The following RCOR1 variants were observed in gnomAD, a reference collection of about 807,000 sequenced individuals.
The protein encoded by RCOR1 is REST corepressor.
A neutral mutation model predicts 64.0 loss-of-function variants in RCOR1; 12 were observed. The observed-to-expected ratio is 0.19, with a 90% CI of 0.12 to 0.30. The LOEUF (loss-of-function observed/expected upper bound fraction) is 0.30. Among genes scored for constraint, RCOR1 ranks in the 10% least tolerant of loss-of-function variants. The probability of loss-of-function intolerance (pLI) is 1.00; values close to 1 mark genes in which losing one functional copy is unlikely to be tolerated. For missense variants in RCOR1, 502 were observed against 621.2 expected (o/e 0.81, Z 2.04); for synonymous variants, 279 against 227.2 (o/e 1.23, Z -2.05).
In RCOR1 at chr14:102,649,096, T is replaced by TA. The variant is rs1008049618; in HGVS notation, c.362-32792dup. Among the ~76,000 whole-genome samples the TA allele has an allele frequency of 2.7e-5, 4 of 148,852 alleles. No individual in the cohort carries two copies. The East Asian group carries it at 5.9e-4, about 22-fold the overall frequency. ...AAAAAATAGAATTATTAATTCCAGG[T>TA]AAAAAAATCACACATAATCACACCA... On this transcript the variant is annotated intron_variant, in intron 2 of 11. Coordinates refer to ENST00000262241, the MANE Select transcript of RCOR1 (RefSeq NM_015156.4).
Position 102,625,231 on chromosome 14 carries a change from CTTTTTTTTT to C in RCOR1, c.361+31922_361+31930del, listed in dbSNP as rs61403856. Among the ~76,000 whole-genome samples, 36 of 79,196 alleles carry C rather than the reference CTTTTTTTTT, an allele frequency of 4.5e-4. 1 individual carries two copies. The highest frequency in any genetic ancestry group is 1.7e-3 in the African/African-American group (32 of 19,146). 52.0% of individuals were successfully genotyped at this position (79,196 alleles called of 152,430 possible). On this transcript the variant is annotated intron_variant, in intron 2 of 11. Coordinates refer to ENST00000262241, the MANE Select transcript of RCOR1 (RefSeq NM_015156.4). ...CTTGCATTCCAGGTCTATCTTGTTACTTTTTTTTTTTTTTTTTTTTTTTTGAGGCAGAGT... is the reference window on the plus strand; with the variant it reads ...CTTGCATTCCAGGTCTATCTTGTTACTTTTTTTTTTTTTTTGAGGCAGAGT...
chr14:102,595,931 G>T (rs1228586262), intron 2 of RCOR1, among the ~76,000 whole-genome samples: 1 of 148,896 alleles, frequency 6.7e-6, no homozygotes, highest in Admixed American at 6.8e-5. Context: ...TCTAACTGGT[G>T]TAAAGTAATT....
At chr14:102,630,649 C>G (rs7158275) in intron 2 of RCOR1, among the ~76,000 whole-genome samples, 5 of 151,906 alleles carry the variant, frequency 3.3e-5, no homozygotes, top group African/African-American at 1.2e-4. Context: ...AAGGTAATAC[C>G]TCATCCAGAA....
chr14:102,619,655 A>G (rs561425004), intron 2 of RCOR1, among the ~76,000 whole-genome samples: 4 of 151,512 alleles, frequency 2.6e-5, no homozygotes, highest in Admixed American at 2.0e-4. Flanking sequence ...AAGTTTTTAT[A>G]TTTTTGGTAG....
chr14:102,639,054 T>A (rs1411797045), intron 2 of RCOR1, among the ~76,000 whole-genome samples: 1 of 152,176 alleles, frequency 6.6e-6, no homozygotes, highest in African/African-American at 2.4e-5. Context: ...CATGACTGTA[T>A]CCATGGGAAC....
chr14:102,660,567 G>T (rs1259456544), intron 2 of RCOR1, among the ~76,000 whole-genome samples: 1 of 152,056 alleles, frequency 6.6e-6, no homozygotes, highest in Non-Finnish European at 1.5e-5. Flanking sequence ...ACGGAGTCTT[G>T]CTGTGTTTCC....
chr14:102,673,756 C>T (rs1249255770), intron 2 of RCOR1, among the ~76,000 whole-genome samples: 1 of 152,134 alleles, frequency 6.6e-6, no homozygotes, highest in African/African-American at 2.4e-5. Context: ...GCTGGGATTA[C>T]AGGCATGTGC....
chr14:102,707,793 A>C (rs1020869015), intron 5 of RCOR1, among the ~76,000 whole-genome samples: 26 of 149,930 alleles, frequency 1.7e-4, no homozygotes, highest in Non-Finnish European at 2.8e-4. Context: ...ACCCATACGA[A>C]GGACTTTTTT....
At chr14:102,594,723 A>G (rs182531777) in intron 2 of RCOR1, among the ~76,000 whole-genome samples, 1 of 151,120 alleles carries the variant, frequency 6.6e-6, no homozygotes, top group African/African-American at 2.4e-5. Flanking sequence ...CTAGGTGGCC[A>G]GGCTATATCT....
At chr14:102,705,143 G>T (rs570409281) in intron 4 of RCOR1, among the ~76,000 whole-genome samples, 2 of 151,936 alleles carry the variant, frequency 1.3e-5, no homozygotes. Context: ...AAAAAAAAGA[G>T]GGGGGAAAGA....
intron 2 of RCOR1, among the ~76,000 whole-genome samples, chr14:102,612,527 G>T (rs1220612593): frequency 6.6e-6 from 1 of 151,834 alleles, no homozygotes; most frequent in Admixed American, 6.6e-5. Context: ...TAGGGATGGG[G>T]GTTTCCCCAT....
At chr14:102,643,647 T>C (rs2139923216) in intron 2 of RCOR1, among the ~76,000 whole-genome samples, 1 of 152,266 alleles carries the variant, frequency 6.6e-6, no homozygotes, top group Non-Finnish European at 1.5e-5. Flanking sequence ...TTCCTGTCTC[T>C]AGATTATGCT....
At position 102,659,987 on chromosome 14, in the gene RCOR1, A is replaced by G. The variant is rs543572571; in HGVS notation, c.362-21908A>G. Among the ~76,000 whole-genome samples the G allele has an allele frequency of 7.9e-5, 12 of 152,348 alleles. No individual in the cohort carries two copies. The South Asian group carries it at 2.5e-3, about 32-fold the overall frequency. Reference sequence around the variant, plus strand: ...TAAGATAAATAATCTGGTGAGTCGCATGCTCATGGTGTGCTGAGGCATTTA... The same window carrying G: ...TAAGATAAATAATCTGGTGAGTCGCGTGCTCATGGTGTGCTGAGGCATTTA... On this transcript the variant is annotated intron_variant, in intron 2 of 11. Coordinates refer to ENST00000262241, the MANE Select transcript of RCOR1 (RefSeq NM_015156.4).
chr14:102,653,955 C>CTT (rs1894653963), intron 2 of RCOR1, among the ~76,000 whole-genome samples: 1 of 48,014 alleles, frequency 2.1e-5, no homozygotes, highest in Non-Finnish European at 3.7e-5. Flanking sequence ...TTCTTTCTTT[C>CTT]TTTCTTTCTT....
chr14:102,643,724 G>A (rs1220567450), intron 2 of RCOR1, among the ~76,000 whole-genome samples: 1 of 152,196 alleles, frequency 6.6e-6, no homozygotes, highest in Non-Finnish European at 1.5e-5. Flanking sequence ...TTTTGGTAGA[G>A]TTTGAACCAG....
At chr14:102,599,499 C>G (rs1330472475) in intron 2 of RCOR1, among the ~76,000 whole-genome samples, 1 of 152,094 alleles carries the variant, frequency 6.6e-6, no homozygotes, top group Non-Finnish European at 1.5e-5. Context: ...CAGAGGCGTA[C>G]ATTGTTAATG....
intron 8 of RCOR1, 21 bp downstream of exon 8, chr14:102,714,638 G>C (rs535814276): frequency 6.5e-7 from 1 of 1,544,164 alleles, no homozygotes; most frequent in South Asian, 1.2e-5. Context: ...GCCTGGTCTT[G>C]GATGTAAAAG....
intron 3 of RCOR1, among the ~76,000 whole-genome samples, chr14:102,694,498 A>G (rs1400975311): frequency 6.6e-6 from 1 of 152,170 alleles, no homozygotes; most frequent in Non-Finnish European, 1.5e-5. Context: ...GATGGTCTCA[A>G]TCTCCTGACC....
intron 2 of RCOR1, among the ~76,000 whole-genome samples, chr14:102,635,300 T>G (rs768544683): frequency 2.6e-5 from 4 of 152,074 alleles, no homozygotes; most frequent in Non-Finnish European, 5.9e-5. Flanking sequence ...GGTCAGGAGT[T>G]TGAGACCAGC....
Sources: allele counts gnomAD v4.1 joint callset (sites outside exome capture counted in the v4.1 genomes callset), GRCh38; gene constraint gnomAD v4.1.1; transcripts MANE v1.5; gene names NCBI Gene and HGNC (gene_info 2026-07-23, HGNC 2026-07-21).